The following MICAL2 variants were observed in gnomAD, a reference collection of about 807,000 sequenced individuals.
MICAL2 encodes [F-actin]-monooxygenase MICAL2.
MICAL2 carries 77 observed loss-of-function variants against 127.3 expected under a neutral mutation model. The ratio of observed to expected loss-of-function variants is 0.60; its 90% confidence interval spans 0.50 to 0.73. The LOEUF is 0.73. MICAL2 is among the 30% of genes least tolerant of loss of function. The pLI is 0.00. For synonymous variants in MICAL2, 570 were observed against 551.1 expected, an observed-to-expected ratio of 1.03 and a Z score of -0.48; for missense variants, 1,351 against 1,434.4, an observed-to-expected ratio of 0.94 and a Z score of 0.94.
chr11:12,276,972 T>C (rs1183905017), intron 1 of MICAL2, among the ~76,000 whole-genome samples: 2 of 152,204 alleles, frequency 1.3e-5, no homozygotes, highest in East Asian at 3.9e-4. Flanking sequence ...GTAGCAATTA[T>C]TGATGCCCAC....
chr11:12,209,366 C>A, intron 5 of MICAL2, 131 bp from the exon 6 acceptor site: 2 of 748,444 alleles, frequency 2.7e-6, no homozygotes, highest in Non-Finnish European at 2.4e-6. Flanking sequence ...TCTAGCCTTT[C>A]CCCTGGAGGC....
rs1361348805 is a variant in MICAL2 at position 12,213,398 on chromosome 11, A to G, written c.835A>G (p.Lys279Glu). ...CAATCAGAAATTTTTTCAGGACCTT[A>G]AAGAAGAAACAGGTGGGACCTTCAC... The part of the protein sequence containing the change: ...IFNQKFFQDL[K>E]EETGIDLENI... Residue 279 changes from lysine (K) to glutamate (E), a missense_variant, in exon 7 of 28, where the codon AAA (lysine) becomes GAA (glutamate). Lys to Glu is a moderately conservative substitution (Grantham distance 56). Coordinates refer to ENST00000683283, the MANE Select transcript of MICAL2 (RefSeq NM_001282663.2). The G allele has an allele frequency of 1.2e-6, 2 of 1,613,536 alleles. No homozygotes were observed. Among genetic ancestry groups the G allele is most frequent in the African/African-American group, 1.3e-5 (1 of 74,890 alleles).
At position 12,144,547 on chromosome 11, in the gene MICAL2, C is replaced by A. The variant is rs189684840; in HGVS notation, c.-78+6087C>A. The stretch of plus-strand genomic sequence containing the variant: ...GAGTGTGGCCTGGAGAGGCAGCGTT[C>A]TTCCCCGAGACTGTCCCACAGAGGT... On this transcript the variant is annotated intron_variant, in intron 2 of 27. Coordinates refer to ENST00000683283, the MANE Select transcript of MICAL2 (RefSeq NM_001282663.2). Among the ~76,000 whole-genome samples, 535 of 152,306 alleles carry A rather than the reference C, an allele frequency of 3.5e-3. 6 individuals carry two copies. The highest frequency in any genetic ancestry group is 0.01 in the Middle Eastern group (3 of 294).
intron 3 of MICAL2, among the ~76,000 whole-genome samples, chr11:12,195,044 C>T (rs954020535): frequency 1.3e-5 from 2 of 152,104 alleles, no homozygotes; most frequent in South Asian, 2.1e-4. Context: ...GCAGGATGAT[C>T]GCTTGAGGGC....
intron 29 of MICAL2, chr11:12,319,583 A>T: frequency 1.4e-6 from 1 of 729,284 alleles, no homozygotes; most frequent in South Asian, 1.7e-5. Context: ...CAGTGAGGGG[A>T]GGGCAGGGAG....
chr11:12,242,292 C>A lies in MICAL2; in HGVS notation c.2416C>A (p.Pro806Thr), dbSNP rs377501865. The A allele has an allele frequency of 7.4e-6, 12 of 1,613,984 alleles. No homozygotes were observed. The African/African-American group carries it at 1.2e-4, about 16-fold the overall frequency. The change falls in exon 19 of 28, where the codon CCT (proline) becomes ACT (threonine). Residue 806 changes from proline to threonine, a missense_variant. Physicochemically the swap from Pro to Thr is conservative, Grantham distance 38 (BLOSUM62 -1). This residue lies in a region of MICAL2 where 752 missense variants were observed against 719.4 expected (regional missense o/e 1.05). Coordinates refer to ENST00000683283, the MANE Select transcript of MICAL2 (RefSeq NM_001282663.2). Reference protein sequence around the residue: ...VSAGSECLSRPWRARAKSDLQ... With the variant: ...VSAGSECLSRTWRARAKSDLQ... The stretch of plus-strand genomic sequence containing the variant: ...TGCTGGCAGTGAGTGCCTGAGCAGA[C>A]CTTGGAGAGCCAGAGCCAAGTCTGA...
intron 29 of MICAL2, among the ~76,000 whole-genome samples, chr11:12,311,658 G>A (rs771317587): frequency 8.5e-5 from 13 of 152,112 alleles, no homozygotes; most frequent in Admixed American, 3.3e-4. Flanking sequence ...CACCTGCCTC[G>A]GCCTCCCAAG....
At chr11:12,306,590 T>C (rs114694226) in intron 29 of MICAL2, among the ~76,000 whole-genome samples, 21 of 152,306 alleles carry the variant, frequency 1.4e-4, no homozygotes, top group Admixed American at 5.2e-4. Context: ...TCCTAAATGG[T>C]CTTCTCATGA....
At chr11:12,359,591 A>AT (rs1939179688), downstream of MICAL2, among the ~76,000 whole-genome samples, 1 of 152,118 alleles carries the variant, frequency 6.6e-6, no homozygotes, top group African/African-American at 2.4e-5. Context: ...TGGGTCATGA[A>AT]TTTTTTTAAT....
intron 29 of MICAL2, among the ~76,000 whole-genome samples, chr11:12,317,050 G>C (rs1221833284): frequency 6.6e-6 from 1 of 152,142 alleles, no homozygotes; most frequent in African/African-American, 2.4e-5. Context: ...CAACCTCATA[G>C]AGTTTCTCTT....
Position 12,302,151 on chromosome 11 carries a change from G to A in MICAL2, c.5212+7294G>A, listed in dbSNP as rs1007093287. Among the ~76,000 whole-genome samples, 4 of 152,182 alleles carry A rather than the reference G, an allele frequency of 2.6e-5. No homozygotes were observed. In the East Asian group the frequency reaches 5.8e-4, roughly 22 times the overall value. ...TAAGCCTTTTAATGTGGAGAGAAAA[G>A]GGATGGACAAAATCACTTATGTCGC... On this transcript the variant is annotated intron_variant, in intron 29 of 34. Transcript: ENST00000646065.
intron 22 of MICAL2, among the ~76,000 whole-genome samples, chr11:12,251,875 A>T (rs978483360): frequency 7.9e-5 from 12 of 152,212 alleles, no homozygotes; most frequent in African/African-American, 2.9e-4. Context: ...AGTGCTTATT[A>T]GCTAAGTAGT....
At chr11:12,159,192 C>T (rs1175041981) in intron 2 of MICAL2, among the ~76,000 whole-genome samples, 7 of 152,168 alleles carry the variant, frequency 4.6e-5, no homozygotes, top group South Asian at 2.1e-4. Flanking sequence ...CACTGGAGCC[C>T]GAAGACGAAG....
chr11:12,226,521 ACCCAG>A, intron 14 of MICAL2, 151 bp downstream of exon 14: 1 of 695,682 alleles, frequency 1.4e-6, no homozygotes, highest in Non-Finnish European at 2.4e-6. Context: ...GACTCCACTC[ACCCAG>A]CCCCTGTGCA....
At chr11:12,223,206 A>C (rs892955413) in intron 11 of MICAL2, among the ~76,000 whole-genome samples, 1 of 152,164 alleles carries the variant, frequency 6.6e-6, no homozygotes, top group Non-Finnish European at 1.5e-5. Context: ...AGACATTCCC[A>C]CTTAGTTTGC....
intron 8 of MICAL2, among the ~76,000 whole-genome samples, chr11:12,219,348 C>G (rs529369450): frequency 1.4e-3 from 209 of 151,982 alleles, no homozygotes; most frequent in African/African-American, 4.7e-3. Context: ...ATGGATATTC[C>G]AGTCCTCGCA....
chr11:12,359,571 A>C (rs1411521780), downstream of MICAL2, among the ~76,000 whole-genome samples: 2 of 152,138 alleles, frequency 1.3e-5, no homozygotes, highest in Non-Finnish European at 2.9e-5. Flanking sequence ...CTATTTACCA[A>C]ATCCCAAACT....
At chr11:12,241,250 C>T in intron 18 of MICAL2, 88 bp downstream of exon 18, 1 of 1,477,528 alleles carries the variant, frequency 6.8e-7, no homozygotes, top group South Asian at 1.3e-5. Context: ...TTCCCACACC[C>T]CAAGTAGGGC....
At chr11:12,245,701 C>T (rs1332064703) in intron 21 of MICAL2, among the ~76,000 whole-genome samples, 1 of 152,250 alleles carries the variant, frequency 6.6e-6, no homozygotes, top group Non-Finnish European at 1.5e-5. Context: ...TCTGGGCCTC[C>T]TCCTCCTCAG....
Sources: allele counts gnomAD v4.1 joint callset (sites outside exome capture counted in the v4.1 genomes callset), GRCh38; gene constraint gnomAD v4.1.1; regional missense constraint gnomAD v4.1.1; transcripts MANE v1.5; gene names NCBI Gene and HGNC (gene_info 2026-07-23, HGNC 2026-07-21).